Variants in QTMAN observed in about 807,000 individuals in gnomAD.
QTMAN encodes the protein queuosine-tRNA mannosyltransferase, also known as tRNA-queuosine alpha-mannosyltransferase.
chr2:144,182,839 ATT>A, the QTMAN span, among the ~76,000 whole-genome samples: 22 of 68,876 alleles, frequency 3.2e-4, no homozygotes, highest in African/African-American at 9.2e-4. Context: ...ATATATATAT[ATT>A]ATATATATAT....
At chr2:144,166,691 G>GA in the QTMAN span, among the ~76,000 whole-genome samples, 1 of 152,104 alleles carries the variant, frequency 6.6e-6, no homozygotes, top group Middle Eastern at 3.2e-3. Flanking sequence ...TGACAGAATA[G>GA]AAAACCTAAG....
the QTMAN span, among the ~76,000 whole-genome samples, chr2:143,988,867 T>C: frequency 4.1e-4 from 62 of 152,370 alleles, no homozygotes; most frequent in East Asian, 4.8e-3. Flanking sequence ...TTTGGTACTA[T>C]AGTTGAAATT....
the QTMAN span, among the ~76,000 whole-genome samples, chr2:144,222,663 C>T: frequency 1.3e-5 from 2 of 151,858 alleles, no homozygotes; most frequent in Non-Finnish European, 2.9e-5. Context: ...AAAAAATTAG[C>T]CAGGCATGGT....
At chr2:143,958,745 TAG>T in the QTMAN span, among the ~76,000 whole-genome samples, 4 of 151,734 alleles carry the variant, frequency 2.6e-5, no homozygotes, top group Non-Finnish European at 5.9e-5. Context: ...AAACATTTTA[TAG>T]AGAGAGAGTT....
the QTMAN span, among the ~76,000 whole-genome samples, chr2:144,000,139 T>C: frequency 3.3e-5 from 5 of 152,086 alleles, no homozygotes; most frequent in Non-Finnish European, 7.4e-5. Flanking sequence ...TTTCTTAGTA[T>C]CTATTTTCTT....
chr2:144,245,151 A>AAGG, the QTMAN span, among the ~76,000 whole-genome samples: 5 of 152,220 alleles, frequency 3.3e-5, no homozygotes, highest in African/African-American at 4.8e-5. Flanking sequence ...AAGTTTCCAA[A>AAGG]AGACATTAGT....
chr2:144,003,609 T>C, the QTMAN span, among the ~76,000 whole-genome samples: 1 of 152,050 alleles, frequency 6.6e-6, no homozygotes, highest in African/African-American at 2.4e-5. Flanking sequence ...CAGTTATTTA[T>C]CTACTGTCAG....
chr2:144,091,441 AT>A, the QTMAN span, among the ~76,000 whole-genome samples: 11 of 152,184 alleles, frequency 7.2e-5, no homozygotes, highest in Admixed American at 6.5e-4. Context: ...TTAAGAACTT[AT>A]TTTCTTCAAA....
the QTMAN span, among the ~76,000 whole-genome samples, chr2:143,976,529 G>A: frequency 6.6e-6 from 1 of 152,046 alleles, no homozygotes; most frequent in Non-Finnish European, 1.5e-5. Flanking sequence ...TAGAATTACC[G>A]ACTTCTCCAC....
chr2:144,141,548 T>G, the QTMAN span, among the ~76,000 whole-genome samples: 9 of 146,002 alleles, frequency 6.2e-5, no homozygotes, highest in Admixed American at 5.5e-4. Flanking sequence ...ATAAGCTGAA[T>G]GCAAAGGTTG....
At chr2:144,021,979 A>G in the QTMAN span, among the ~76,000 whole-genome samples, 1 of 152,186 alleles carries the variant, frequency 6.6e-6, no homozygotes, top group East Asian at 1.9e-4. Context: ...TAGCAAGATA[A>G]GAAATTACTA....
the QTMAN span, among the ~76,000 whole-genome samples, chr2:144,042,656 C>A: frequency 6.6e-6 from 1 of 150,884 alleles, no homozygotes; most frequent in Admixed American, 6.6e-5. Flanking sequence ...CCCAGCTACT[C>A]AGGAGGCTGA....
chr2:144,139,355 G>A, the QTMAN span, among the ~76,000 whole-genome samples: 1 of 151,992 alleles, frequency 6.6e-6, no homozygotes, highest in Non-Finnish European at 1.5e-5. Context: ...CGGGTAACAA[G>A]ATAAAATAAC....
At chr2:144,064,713 A>C in the QTMAN span, among the ~76,000 whole-genome samples, 3 of 152,248 alleles carry the variant, frequency 2.0e-5, no homozygotes, top group African/African-American at 7.2e-5. Context: ...GAGAGGCAAA[A>C]AACAAAGTCA....
the QTMAN span, among the ~76,000 whole-genome samples, chr2:144,323,457 C>G: frequency 6.6e-6 from 1 of 152,264 alleles, no homozygotes; most frequent in East Asian, 1.9e-4. Flanking sequence ...TTGGGTCTTA[C>G]TGCCATTTAA....
the QTMAN span, among the ~76,000 whole-genome samples, chr2:144,264,733 C>T: frequency 1.3e-5 from 2 of 152,148 alleles, no homozygotes; most frequent in Non-Finnish European, 2.9e-5. Flanking sequence ...GACTTGACTC[C>T]AATAACGGTT....
chr2:144,082,176 C>T, the QTMAN span, among the ~76,000 whole-genome samples: 1 of 152,076 alleles, frequency 6.6e-6, no homozygotes, highest in African/African-American at 2.4e-5. Flanking sequence ...GGATTACAGG[C>T]GTGAGTCACT....
chr2:143,966,686 C>G, the QTMAN span, among the ~76,000 whole-genome samples: 1 of 152,156 alleles, frequency 6.6e-6, no homozygotes, highest in Non-Finnish European at 1.5e-5. Flanking sequence ...TGCAAAAGAT[C>G]TATAAACTGT....
chr2:144,173,845 G>C, the QTMAN span, among the ~76,000 whole-genome samples: 1 of 152,106 alleles, frequency 6.6e-6, no homozygotes, highest in African/African-American at 2.4e-5. Flanking sequence ...TTCACTCTTA[G>C]TTCTCACAAG....
Sources: allele counts gnomAD v4.1 joint callset (sites outside exome capture counted in the v4.1 genomes callset), GRCh38; gene constraint gnomAD v4.1.1; transcripts MANE v1.5; gene names NCBI Gene and HGNC (gene_info 2026-07-23, HGNC 2026-07-21).